SRCIN1: variants seen among roughly 807,000 people sequenced by gnomAD.
SRCIN1 encodes P130Cas-associated protein.
A neutral mutation model predicts 116.2 loss-of-function variants in SRCIN1; 50 were observed. The ratio of observed to expected loss-of-function variants is 0.43; its 90% CI spans 0.34 to 0.54. The LOEUF (loss-of-function observed/expected upper bound fraction) is 0.54, where lower values mean the gene tolerates loss of function less well. Ranked by LOEUF, SRCIN1 falls within the 20% of genes least tolerant of loss-of-function variation. SRCIN1 has a pLI of 0.02. For missense variants in SRCIN1, 1,446 were observed against 1,672.0 expected, an observed-to-expected ratio of 0.86 and a Z score of 2.36; for synonymous variants, 736 against 750.0, an observed-to-expected ratio of 0.98 and a Z score of 0.30.
At chr17:38,570,639 C>T (rs567124440) in intron 2 of SRCIN1, among the ~76,000 whole-genome samples, 38 of 152,342 alleles carry the variant, frequency 2.5e-4, no homozygotes, top group Admixed American at 5.2e-4. Flanking sequence ...GTTCGGATGA[C>T]TGAGGCCCAC....
At chr17:38,606,591 G>C (rs146609435), upstream of SRCIN1, among the ~76,000 whole-genome samples, 1,668 of 152,276 alleles carry the variant, frequency 0.011, 10 homozygotes, top group Middle Eastern at 0.024. The surrounding 1 kb of genome is among the most constrained non-coding windows in gnomAD (Gnocchi z 5.2). Flanking sequence ...CTGCAGGCAG[G>C]TCCGCGCCCC....
chr17:38,558,480 G>A lies in SRCIN1; in HGVS notation c.2026-78C>T. 2 of 1,488,622 alleles carry A rather than the reference G, an allele frequency of 1.3e-6. No homozygotes were observed. Among genetic ancestry groups the A allele is most frequent in the Non-Finnish European group, 1.8e-6 (2 of 1,117,790 alleles). The allele number at this position is 1,488,622 out of a possible 1,614,324, so 92.2% of individuals were successfully genotyped here. A position where few individuals can be genotyped will look rare whatever the true frequency, so the allele number is the denominator to read the frequency against. On this transcript the variant is annotated intron_variant, in intron 10 of 18. Coordinates refer to ENST00000617146, the MANE Select transcript of SRCIN1 (RefSeq NM_025248.3). The surrounding 1 kb of genome is among the most constrained non-coding windows in gnomAD (Gnocchi z 4.6). ...CAGGGGAAGGGCCGGGAGAAGGCGGGTAGAGGACTGCCCAATCCAGGGCGG... is the reference window on the plus strand; with the variant it reads ...CAGGGGAAGGGCCGGGAGAAGGCGGATAGAGGACTGCCCAATCCAGGGCGG...
At chr17:38,590,184 A>C (rs1434083365) in intron 1 of SRCIN1, among the ~76,000 whole-genome samples, 1 of 152,176 alleles carries the variant, frequency 6.6e-6, no homozygotes, top group Non-Finnish European at 1.5e-5. Flanking sequence ...CGAGGGTTAA[A>C]CCCAGCATCG....
chr17:38,548,528 C>T (rs1905197526), intron 17 of SRCIN1, 29 bp downstream of exon 17: 1 of 1,605,610 alleles, frequency 6.2e-7, no homozygotes, highest in Non-Finnish European at 8.5e-7. Flanking sequence ...CTGGCTGAGA[C>T]CTTGGGGGCC....
chr17:38,564,467 G>A (rs1906548842), intron 3 of SRCIN1, among the ~76,000 whole-genome samples, 154 bp from the exon 4 acceptor site: 1 of 152,006 alleles, frequency 6.6e-6, no homozygotes, highest in South Asian at 2.1e-4. Flanking sequence ...CTCCTGGCAT[G>A]GCCACAAGAG....
chr17:38,596,133 G>A (rs1020277632), intron 1 of SRCIN1, among the ~76,000 whole-genome samples: 2 of 152,204 alleles, frequency 1.3e-5, no homozygotes, highest in African/African-American at 4.8e-5. Flanking sequence ...TGGAGCCCTG[G>A]GTGAGGGACA....
Position 38,544,213 on chromosome 17 carries a change from G to T in SRCIN1, c.3271-244C>A, listed in dbSNP as rs1904934370. On this transcript the variant is annotated intron_variant, in intron 17 of 18. Coordinates refer to ENST00000617146, the MANE Select transcript of SRCIN1 (RefSeq NM_025248.3). This position sits in a 1 kb window ranked among gnomAD's most constrained non-coding sequence, Gnocchi z 4.5. ...CAGTTTCCCAACGGCTCTTGAGGGAGAGCTCTTCGGTGGCTTCCTTGAGTA... is the reference window on the plus strand; with the variant it reads ...CAGTTTCCCAACGGCTCTTGAGGGATAGCTCTTCGGTGGCTTCCTTGAGTA... Among the ~76,000 whole-genome samples, 1 of 152,168 alleles carries T rather than the reference G, an allele frequency of 6.6e-6. No individual in the cohort carries two copies. The highest frequency in any genetic ancestry group is 1.5e-5 in the Non-Finnish European group (1 of 68,024).
At chr17:38,588,204 C>G (rs763331567) in intron 1 of SRCIN1, among the ~76,000 whole-genome samples, 2 of 152,244 alleles carry the variant, frequency 1.3e-5, no homozygotes, top group Non-Finnish European at 2.9e-5. Flanking sequence ...CTTCCACCCA[C>G]TGTCAGAGTT....
At position 38,551,422 on chromosome 17, in the gene SRCIN1, A is replaced by G. The variant is rs1175928061; in HGVS notation, c.2728-33T>C. 7 of 1,556,608 alleles carry G rather than the reference A, an allele frequency of 4.5e-6. No individual in the cohort carries two copies. The Admixed American group carries it at 1.1e-4, about 25-fold the overall frequency. The stretch of plus-strand genomic sequence containing the variant: ...GGGAGCCAGGAGTCAGGATTGAGGT[A>G]GCTCTCCTGCTCCAGGACCTCTGGG... On this transcript the variant is annotated intron_variant, in intron 14 of 18. Coordinates refer to ENST00000617146, the MANE Select transcript of SRCIN1 (RefSeq NM_025248.3).
chr17:38,601,804 C>T (rs1283836022), intron 1 of SRCIN1, among the ~76,000 whole-genome samples: 1 of 152,108 alleles, frequency 6.6e-6, no homozygotes, highest in Non-Finnish European at 1.5e-5. Context: ...GGCTTCTCAA[C>T]CTTCCAGACA....
chr17:38,537,422 C>T (rs1359163765), intron 18 of SRCIN1, among the ~76,000 whole-genome samples: 1 of 151,798 alleles, frequency 6.6e-6, no homozygotes, highest in Admixed American at 6.6e-5. Context: ...ATGGATTGAG[C>T]TTGGAGAGGT....
chr17:38,560,269 C>A, intron 8 of SRCIN1, 64 bp downstream of exon 8: 1 of 1,517,358 alleles, frequency 6.6e-7, no homozygotes, highest in East Asian at 2.4e-5. Flanking sequence ...GAGCCGATGC[C>A]CATTTCCCCT....
In SRCIN1 at chr17:38,532,545, TC is replaced by T; in HGVS notation, c.*751del. Reference sequence around the variant, plus strand: ...AGACCAAAGGGCCTCTGCCCTCCACTCCCCACTGGACGGCAAGGCCCAGGAG... The same window carrying T: ...AGACCAAAGGGCCTCTGCCCTCCACTCCCACTGGACGGCAAGGCCCAGGAG... On this transcript the variant is annotated 3_prime_UTR_variant, in exon 19 of 19. Coordinates refer to ENST00000617146, the MANE Select transcript of SRCIN1 (RefSeq NM_025248.3). The surrounding 1 kb of genome is among the most constrained non-coding windows in gnomAD (Gnocchi z 4.3). 1 of 152,394 alleles carries T rather than the reference TC, an allele frequency of 6.6e-6. No individual in the cohort carries two copies. Among genetic ancestry groups the T allele is most frequent in the Non-Finnish European group, 1.5e-5 (1 of 68,092 alleles). The allele number at this position is 152,394 out of a possible 1,614,324, so 9.4% of individuals were successfully genotyped here.
chr17:38,578,514 G>T lies in SRCIN1; in HGVS notation c.300C>A (p.Gly100=). The T allele has an allele frequency of 6.3e-7, 1 of 1,592,622 alleles. No individual in the cohort carries two copies. The highest frequency in any genetic ancestry group is 1.1e-5 in the South Asian group (1 of 90,552). ...CCTGCTCTCGCATCCTGTCCTGCTGGCCTCGCAGGGCCAGGGCGTGCTGTG... is the reference window on the plus strand; with the variant it reads ...CCTGCTCTCGCATCCTGTCCTGCTGTCCTCGCAGGGCCAGGGCGTGCTGTG... ...KYPQHALALR[G]QQDRMREQPN... The change falls in exon 2 of 19, where the codon GGC becomes GGA. Residue 100 remains glycine (G), a synonymous_variant. Coordinates refer to ENST00000617146, the MANE Select transcript of SRCIN1 (RefSeq NM_025248.3).
intron 1 of SRCIN1, among the ~76,000 whole-genome samples, chr17:38,593,824 C>T (rs753088412): frequency 6.6e-6 from 1 of 152,290 alleles, no homozygotes; most frequent in Non-Finnish European, 1.5e-5. Context: ...GGGCTGACCC[C>T]GGTGTCCACT....
In SRCIN1 at chr17:38,549,130, AG is replaced by A; in HGVS notation, c.3042del (p.Ser1015ProfsTer5). 1 of 1,327,572 alleles carries A rather than the reference AG, an allele frequency of 7.5e-7. No individual in the cohort carries two copies. Among genetic ancestry groups the A allele is most frequent in the African/African-American group, 1.6e-5 (1 of 64,356 alleles). 82.2% of individuals were successfully genotyped at this position (1,327,572 alleles called of 1,614,324 possible). ...CGTGTGGTGGTCAGGCCATGGGAGG[AG>A]GGGAAGCTCCGGCGGGGAGGGGGCG... ...PPPPPPRRSF[P>X]SSHGLTTTRT... is the part of the protein sequence containing the mutation. On this transcript the variant is annotated frameshift_variant, in exon 16 of 19. Coordinates refer to ENST00000617146, the MANE Select transcript of SRCIN1 (RefSeq NM_025248.3). LOFTEE classifies it high-confidence loss of function.
Position 38,531,557 on chromosome 17 carries a change from T to A in SRCIN1, c.*1740A>T, listed in dbSNP as rs1398751886. 3 of 148,456 alleles carry A rather than the reference T, an allele frequency of 2.0e-5. No homozygotes were observed. The highest frequency in any genetic ancestry group is 2.0e-4 in the Admixed American group (3 of 14,942). The allele number at this position is 148,456 out of a possible 1,614,324, so 9.2% of individuals were successfully genotyped here. On this transcript the variant is annotated 3_prime_UTR_variant, in exon 19 of 19. Coordinates refer to ENST00000617146, the MANE Select transcript of SRCIN1 (RefSeq NM_025248.3). ...TGCATCATTTATGAGGTCCTTTTTT[T>A]TTTTTCTATTTTCCAGGGTTTTTTT...
rs1199702894 is a variant in SRCIN1, at chr17:38,563,364, TTTG to T, written c.696_698del (p.Lys233del). 1 of 1,581,494 alleles carries T rather than the reference TTTG, an allele frequency of 6.3e-7. No homozygotes were observed. ...CGTAGAAGACGTTGCGAGCCTCGTC[TTTG>T]ATGAGGATGGCGGTATTGGGCGACT... On this transcript the variant is annotated inframe_deletion, in exon 5 of 19. Transcript: ENST00000617146. This position sits in a 1 kb window ranked among gnomAD's most constrained non-coding sequence, Gnocchi z 5.8.
Position 38,572,533 on chromosome 17 carries a change from G to C in SRCIN1, c.325-4302C>G, listed in dbSNP as rs1007376528. 6.6e-6 allele frequency: 1 copy of C among 152,108 alleles called. No individual in the cohort carries two copies. The highest frequency in any genetic ancestry group is 2.4e-5 in the African/African-American group (1 of 41,404). 9.4% of individuals were successfully genotyped at this position (152,108 alleles called of 1,614,324 possible). On this transcript the variant is annotated intron_variant, in intron 2 of 18. Coordinates refer to ENST00000617146, the MANE Select transcript of SRCIN1 (RefSeq NM_025248.3). This position sits in a 1 kb window ranked among gnomAD's most constrained non-coding sequence, Gnocchi z 4.3. Reference sequence around the variant, plus strand: ...GGGAGGAGGCGTTTCTCAGGGATCGGGAACCTGCAATGGCCTGGACGTCCC... The same window carrying C: ...GGGAGGAGGCGTTTCTCAGGGATCGCGAACCTGCAATGGCCTGGACGTCCC...
Sources: gnomAD v4.1 joint callset for allele counts (sites outside exome capture counted in the v4.1 genomes callset) on GRCh38, gnomAD v4.1.1 for gene constraint, Gnocchi (gnomAD v3.1) non-coding constraint, MANE v1.5 for transcripts, NCBI Gene and HGNC (gene_info 2026-07-23, HGNC 2026-07-21) for gene names.